ADAMTSL1: variants seen among roughly 807,000 people sequenced by gnomAD.
ADAMTSL1 encodes ADAMTS-like protein 1.
In ADAMTSL1, 126 loss-of-function variants were observed where a neutral mutation model predicts 201.8. The ratio of observed to expected loss-of-function variants is 0.62; its 90% CI spans 0.54 to 0.72. The LOEUF (loss-of-function observed/expected upper bound fraction) is 0.72. ADAMTSL1 is among the 30% of genes least tolerant of loss of function. The pLI is 0.00. For synonymous variants in ADAMTSL1, 1,121 were observed against 903.4 expected (o/e 1.24, Z -4.32); for missense variants, 2,679 against 2,277.8 (o/e 1.18, Z -3.59).
intron 2 of ADAMTSL1, among the ~76,000 whole-genome samples, chr9:18,370,157 G>A (rs1454884509): frequency 1.3e-5 from 2 of 152,032 alleles, no homozygotes; most frequent in African/African-American, 2.4e-5. Context: ...GTGCGTGCCT[G>A]TAATCCCAGC....
chr9:18,125,338 C>A (rs2131939302), intron 1 of ADAMTSL1, among the ~76,000 whole-genome samples: 1 of 152,284 alleles, frequency 6.6e-6, no homozygotes, highest in Non-Finnish European at 1.5e-5. Context: ...ATAATTCAAT[C>A]ACCTCTCACT....
intron 2 of ADAMTSL1, among the ~76,000 whole-genome samples, chr9:18,289,845 C>A (rs1833180394): frequency 6.6e-6 from 1 of 152,198 alleles, no homozygotes; most frequent in Non-Finnish European, 1.5e-5. Flanking sequence ...CTGGAACTTT[C>A]AGCAAAGTTT....
chr9:18,684,695 G>A (rs1417547423), intron 12 of ADAMTSL1, 21 bp from the exon 13 acceptor site: 1 of 1,610,204 alleles, frequency 6.2e-7, no homozygotes, highest in Non-Finnish European at 8.5e-7. Context: ...TCTTTTGTAT[G>A]TGCATGCACT....
intron 26 of ADAMTSL1, 129 bp downstream of exon 26, chr9:18,892,725 C>G: frequency 3.6e-6 from 4 of 1,117,966 alleles, no homozygotes; most frequent in Non-Finnish European, 5.0e-6. Context: ...CCAGGCATAG[C>G]TTTTGTGGGT....
intron 1 of ADAMTSL1, among the ~76,000 whole-genome samples, chr9:17,926,718 C>G (rs929835341): frequency 3.9e-5 from 6 of 152,160 alleles, no homozygotes. Context: ...AGAATATCCC[C>G]TTTCTTGTTT....
chr9:18,230,101 G>A (rs1434415391), intron 2 of ADAMTSL1, among the ~76,000 whole-genome samples: 1 of 152,112 alleles, frequency 6.6e-6, no homozygotes, highest in East Asian at 1.9e-4. Context: ...ACTAATCATT[G>A]CCTGGTGAAA....
chr9:18,301,565 T>C (rs1464552452), intron 2 of ADAMTSL1, among the ~76,000 whole-genome samples: 1 of 152,188 alleles, frequency 6.6e-6, no homozygotes, highest in African/African-American at 2.4e-5. Flanking sequence ...CATTATGAAT[T>C]ATGACAATAC....
intron 2 of ADAMTSL1, among the ~76,000 whole-genome samples, chr9:18,328,661 A>T (rs894408154): frequency 1.3e-5 from 2 of 152,352 alleles, no homozygotes; most frequent in Middle Eastern, 3.4e-3. Flanking sequence ...GCCGCATCTC[A>T]TCTTAGTGTC....
At chr9:18,209,088 C>CTG (rs139149470) in intron 2 of ADAMTSL1, among the ~76,000 whole-genome samples, 3 of 151,966 alleles carry the variant, frequency 2.0e-5, no homozygotes, top group East Asian at 1.9e-4. Flanking sequence ...AGATATGTGT[C>CTG]TGTGTGTGTG....
chr9:18,314,016 G>A (rs1250920197), intron 2 of ADAMTSL1, among the ~76,000 whole-genome samples: 1 of 152,024 alleles, frequency 6.6e-6, no homozygotes, highest in Non-Finnish European at 1.5e-5. Flanking sequence ...AAAAAAATGG[G>A]CAAAGGACTT....
At chr9:17,949,532 A>T (rs1475831710) in intron 1 of ADAMTSL1, among the ~76,000 whole-genome samples, 1 of 152,170 alleles carries the variant, frequency 6.6e-6, no homozygotes, top group African/African-American at 2.4e-5. Flanking sequence ...TTTCCCTTTT[A>T]TTAATCAAAT....
intron 3 of ADAMTSL1, among the ~76,000 whole-genome samples, chr9:18,548,144 C>T (rs749383341): frequency 1.2e-4 from 18 of 151,886 alleles, no homozygotes; most frequent in Non-Finnish European, 2.4e-4. Flanking sequence ...CTTGTAACCC[C>T]CCAAATCAAC....
intron 2 of ADAMTSL1, among the ~76,000 whole-genome samples, chr9:18,381,403 G>A (rs80198444): frequency 2.6e-5 from 4 of 151,950 alleles, no homozygotes; most frequent in Non-Finnish European, 5.9e-5. Flanking sequence ...GAAACTTTTG[G>A]GACAAATATT....
At chr9:18,798,110 C>T (rs1002393244) in intron 20 of ADAMTSL1, among the ~76,000 whole-genome samples, 30 of 149,022 alleles carry the variant, frequency 2.0e-4, no homozygotes, top group Admixed American at 1.8e-3. Context: ...AAAAAAAAAA[C>T]TTTGAGCCTC....
chr9:18,734,738 G>T (rs756609859), intron 15 of ADAMTSL1, among the ~76,000 whole-genome samples: 10 of 152,154 alleles, frequency 6.6e-5, no homozygotes, highest in Non-Finnish European at 1.3e-4. Context: ...TGTTCTTAGA[G>T]CTGGTAAAAT....
Position 17,999,647 on chromosome 9 carries a change from C to A in ADAMTSL1, c.87+92725C>A, listed in dbSNP as rs192850558. On this transcript the variant is annotated intron_variant, in intron 1 of 29. Coordinates refer to the ADAMTSL1 transcript ENST00000680146. Reference sequence around the variant, plus strand: ...ACTTTAAGTTTTAGGGTACATGTGCCCATTGTGCAGGTTAGTTACATACGT... The same window carrying A: ...ACTTTAAGTTTTAGGGTACATGTGCACATTGTGCAGGTTAGTTACATACGT... Among the ~76,000 whole-genome samples the A allele has an allele frequency of 8.5e-4, 128 of 151,018 alleles. 3 individuals are homozygous for A. The East Asian group carries it at 0.017, about 20-fold the overall frequency.
intron 3 of ADAMTSL1, among the ~76,000 whole-genome samples, chr9:18,535,176 C>A (rs1819684381): frequency 6.6e-6 from 1 of 152,160 alleles, no homozygotes; most frequent in Non-Finnish European, 1.5e-5. Context: ...TTTCTTCTGC[C>A]AGATACCCTA....
intron 2 of ADAMTSL1, among the ~76,000 whole-genome samples, chr9:18,304,861 A>T (rs191299000): frequency 6.6e-6 from 1 of 152,152 alleles, no homozygotes; most frequent in Non-Finnish European, 1.5e-5. Flanking sequence ...AAATAGAAAA[A>T]TGTTTCTGTT....
chr9:18,622,506 G>A, intron 5 of ADAMTSL1, 137 bp downstream of exon 5: 1 of 1,306,380 alleles, frequency 7.7e-7, no homozygotes, highest in Non-Finnish European at 1.0e-6. Context: ...AAGGCTTCAT[G>A]CTCTGGCATG....
Sources: allele counts gnomAD v4.1 joint callset (sites outside exome capture counted in the v4.1 genomes callset), GRCh38; gene constraint gnomAD v4.1.1; transcripts MANE v1.5; gene names NCBI Gene and HGNC (gene_info 2026-07-23, HGNC 2026-07-21).